Variants in CEP85 observed in about 807,000 individuals in gnomAD.
The protein encoded by CEP85 is centrosomal protein 85.
A neutral mutation model predicts 93.7 loss-of-function variants in CEP85; 58 were observed. That is an observed-to-expected ratio of 0.62 (90% CI 0.50 to 0.77). The LOEUF (loss-of-function observed/expected upper bound fraction) is 0.77. CEP85 is among the 30% of genes least tolerant of loss of function. CEP85 has a pLI of 0.00. For synonymous variants in CEP85, 314 were observed against 338.6 expected (o/e 0.93, Z 0.80); for missense variants, 868 against 922.0 (o/e 0.94, Z 0.76).
intron 2 of CEP85, among the ~76,000 whole-genome samples, chr1:26,241,244 A>ATTTTTTTTTTTT (rs71004567): frequency 0.013 from 1,455 of 109,128 alleles, 70 homozygotes; most frequent in Non-Finnish European, 0.017. Context: ...ATTCAGCAGA[A>ATTTTTTTTTTTT]TTTTTTTTTT....
chr1:26,272,525 G>A (rs2089990099), intron 11 of CEP85: 1 of 158,550 alleles, frequency 6.3e-6, no homozygotes, highest in Non-Finnish European at 1.4e-5. Context: ...GATGGTAAAT[G>A]GAGACCTGGG....
At chr1:26,274,344 T>C (rs1393047063) in intron 11 of CEP85, among the ~76,000 whole-genome samples, 2 of 152,236 alleles carry the variant, frequency 1.3e-5, no homozygotes, top group Non-Finnish European at 2.9e-5. Context: ...TTCTCAATGC[T>C]GGTCACAGTA....
rs1185542130 is a variant in CEP85 at position 26,235,564 on chromosome 1, A to ATTTTTTT, written c.-23+1256_-23+1257insTTTTTTT. Among the ~76,000 whole-genome samples the ATTTTTTT allele has an allele frequency of 5.5e-3, 384 of 69,462 alleles. 2 individuals are homozygous for ATTTTTTT. Among genetic ancestry groups the ATTTTTTT allele is most frequent in the African/African-American group, 0.02 (348 of 17,216 alleles). 45.6% of individuals were successfully genotyped at this position (69,462 alleles called of 152,430 possible). ...CATGATGTTCCACACTTAGATTGTA[A>ATTTTTTT]TTCTTTTTTTTTTTTTTTTTTTTGT... is the stretch of plus-strand genomic sequence containing the variant. On this transcript the variant is annotated intron_variant, in intron 1 of 13. Coordinates refer to ENST00000451429, the MANE Select transcript of CEP85 (RefSeq NM_001319944.2).
chr1:26,246,475 T>C (rs758814636), intron 3 of CEP85, among the ~76,000 whole-genome samples: 1 of 152,152 alleles, frequency 6.6e-6, no homozygotes, highest in Non-Finnish European at 1.5e-5. Context: ...GGCTGATGTC[T>C]ATAATCCTAG....
chr1:26,254,504 G>A (rs2089667067), intron 3 of CEP85: 1 of 152,228 alleles, frequency 6.6e-6, no homozygotes, highest in South Asian at 2.1e-4. Context: ...ATTTCAGTGT[G>A]TACCCAATTG....
At chr1:26,257,845 G>C (rs1226206435) in intron 5 of CEP85, 115 bp downstream of exon 5, 1 of 1,182,542 alleles carries the variant, frequency 8.5e-7, no homozygotes, top group Non-Finnish European at 1.2e-6. Flanking sequence ...TCCATGTCTT[G>C]CCTCATGGTG....
chr1:26,238,611 A>C (rs2124554832), intron 1 of CEP85, among the ~76,000 whole-genome samples: 1 of 152,318 alleles, frequency 6.6e-6, no homozygotes, highest in African/African-American at 2.4e-5. Flanking sequence ...GCCAAGTAAT[A>C]ACAGCACTTA....
chr1:26,259,845 C>T, intron 7 of CEP85, 43 bp downstream of exon 7: 1 of 1,521,362 alleles, frequency 6.6e-7, no homozygotes, highest in Non-Finnish European at 8.9e-7. Context: ...AAGGAGTTGG[C>T]AGTCAGCTGT....
chr1:26,243,842 A>G (rs372470952), intron 2 of CEP85, among the ~76,000 whole-genome samples: 27 of 152,098 alleles, frequency 1.8e-4, no homozygotes, highest in African/African-American at 6.3e-4. Flanking sequence ...TACTAAAAAT[A>G]TAAAAATTAA....
At chr1:26,237,207 G>A (rs1171836646) in intron 1 of CEP85, among the ~76,000 whole-genome samples, 1 of 151,742 alleles carries the variant, frequency 6.6e-6, no homozygotes, top group Admixed American at 6.6e-5. Flanking sequence ...TTTTTTTTTG[G>A]CTTATATCAC....
chr1:26,244,965 G>A (rs932586422), intron 3 of CEP85, among the ~76,000 whole-genome samples: 10 of 152,096 alleles, frequency 6.6e-5, no homozygotes, highest in South Asian at 2.1e-4. Context: ...AGAGTCTTCC[G>A]TTCTGTGATC....
At chr1:26,267,272 T>A (rs1322128389) in intron 7 of CEP85, among the ~76,000 whole-genome samples, 1 of 152,198 alleles carries the variant, frequency 6.6e-6, no homozygotes, top group Non-Finnish European at 1.5e-5. Context: ...TTATAAGGGA[T>A]ACAATTCAGG....
At chr1:26,265,859 T>A (rs905259611) in intron 7 of CEP85, among the ~76,000 whole-genome samples, 1 of 151,952 alleles carries the variant, frequency 6.6e-6, no homozygotes, top group Non-Finnish European at 1.5e-5. Flanking sequence ...GGCAGGAGAA[T>A]TGCTTGAGCC....
intron 12 of CEP85, among the ~76,000 whole-genome samples, chr1:26,275,765 T>G (rs13374173): frequency 0.16 from 24,790 of 152,032 alleles, 2,128 homozygotes; most frequent in Middle Eastern, 0.19. Context: ...GGAACCTCCT[T>G]GAGTTAGGAT....
At chr1:26,236,394 CTT>C (rs1417786817) in intron 1 of CEP85, among the ~76,000 whole-genome samples, 1 of 141,112 alleles carries the variant, frequency 7.1e-6, no homozygotes. Context: ...CTGTTGGGTG[CTT>C]TTTTTTTTTT....
chr1:26,241,599 C>T (rs1339534446), intron 2 of CEP85, among the ~76,000 whole-genome samples: 2 of 151,902 alleles, frequency 1.3e-5, no homozygotes, highest in East Asian at 3.9e-4. Flanking sequence ...TAGGTTTGTA[C>T]AGTTTCTATG....
At chr1:26,250,925 C>CCTTTTTT (rs2089598435) in intron 3 of CEP85, among the ~76,000 whole-genome samples, 46 of 55,132 alleles carry the variant, frequency 8.3e-4, no homozygotes, top group African/African-American at 2.7e-3. Flanking sequence ...TTTTTTTTTT[C>CCTTTTTT]TTTTTTCTTT....
In CEP85 at chr1:26,269,579, G is replaced by A. The variant is rs1171109594; in HGVS notation, c.1614G>A (p.Arg538=). 1.2e-6 allele frequency: 2 copies of A among 1,613,946 alleles called. No homozygotes were observed. Among genetic ancestry groups the A allele is most frequent in the Non-Finnish European group, 1.7e-6 (2 of 1,179,982 alleles). ...REKEIQLESL[R]QREAEFSSAG... is the part of the protein sequence containing the mutation. ...AGGAGATTCAACTGGAAAGCCTGAG[G>A]CAGAGAGAAGCAGAATTCTCCTCCG... Residue 538 remains arginine, a synonymous_variant, in exon 9 of 14, where the codon AGG becomes AGA. Coordinates refer to ENST00000451429, the MANE Select transcript of CEP85 (RefSeq NM_001319944.2).
intron 3 of CEP85, among the ~76,000 whole-genome samples, chr1:26,250,746 T>G (rs2089592985): frequency 6.6e-6 from 1 of 152,054 alleles, no homozygotes; most frequent in South Asian, 2.1e-4. Flanking sequence ...TCTGTTACTG[T>G]AAGAGAATAC....
Sources: allele counts gnomAD v4.1 joint callset (sites outside exome capture counted in the v4.1 genomes callset), GRCh38; gene constraint gnomAD v4.1.1; transcripts MANE v1.5; gene names NCBI Gene and HGNC (gene_info 2026-07-23, HGNC 2026-07-21).